DAB1: variants seen among roughly 807,000 people sequenced by gnomAD.
The protein encoded by DAB1 is DAB adaptor protein 1.
DAB1 carries 15 observed loss-of-function variants against 64.6 expected under a neutral mutation model. The ratio of observed to expected loss-of-function variants is 0.23; its 90% CI spans 0.16 to 0.36. DAB1 has a LOEUF of 0.36. Ranked by LOEUF, DAB1 falls within the 10% of genes least tolerant of loss-of-function variation. The pLI is 1.00. For missense variants in DAB1, 596 were observed against 706.7 expected (o/e 0.84, Z 1.78); for synonymous variants, 235 against 251.9 (o/e 0.93, Z 0.64).
At chr1:57,480,918 T>A (rs929088563) in intron 7 of DAB1, among the ~76,000 whole-genome samples, 3 of 152,200 alleles carry the variant, frequency 2.0e-5, no homozygotes, top group African/African-American at 4.8e-5. Context: ...TCACTGCCTT[T>A]CTTTTTCTTC....
intron 5 of DAB1, among the ~76,000 whole-genome samples, chr1:58,011,242 T>C (rs1646663901): frequency 6.6e-6 from 1 of 152,228 alleles, no homozygotes; most frequent in African/African-American, 2.4e-5. Context: ...TACCGGTTTA[T>C]ACTAATCCCC....
intron 5 of DAB1, among the ~76,000 whole-genome samples, chr1:58,051,131 G>A (rs1647629081): frequency 6.6e-6 from 1 of 152,070 alleles, no homozygotes; most frequent in Admixed American, 6.5e-5. Flanking sequence ...TATGTGCCAT[G>A]TTGGTTTGCT....
chr1:57,046,446 T>C (rs1648507363), intron 9 of DAB1, among the ~76,000 whole-genome samples: 1 of 152,246 alleles, frequency 6.6e-6, no homozygotes, highest in African/African-American at 2.4e-5. Context: ...CACTAGACTT[T>C]GTTCATTATT....
chr1:57,360,751 T>C (rs1236022542), intron 1 of DAB1, among the ~76,000 whole-genome samples: 2 of 152,286 alleles, frequency 1.3e-5, no homozygotes, highest in Non-Finnish European at 2.9e-5. Flanking sequence ...ACAGAACACA[T>C]GTAAGTCATG....
chr1:58,119,478 A>G (rs1386484691), intron 5 of DAB1, among the ~76,000 whole-genome samples: 1 of 152,168 alleles, frequency 6.6e-6, no homozygotes, highest in African/African-American at 2.4e-5. Flanking sequence ...TCTTTCTCAG[A>G]GCTGAATCAT....
At chr1:58,545,269 G>A (rs1286543942) in intron 1 of DAB1, among the ~76,000 whole-genome samples, 2 of 152,136 alleles carry the variant, frequency 1.3e-5, no homozygotes, top group Admixed American at 1.3e-4. Context: ...CTCATGACTT[G>A]TGTAAAAATT....
At chr1:57,742,606 T>C (rs1261939632) in intron 6 of DAB1, among the ~76,000 whole-genome samples, 6 of 152,284 alleles carry the variant, frequency 3.9e-5, no homozygotes, top group Admixed American at 2.6e-4. Flanking sequence ...GGGAAATTTC[T>C]GGGCTCTCCA....
rs892388270 is a variant in DAB1, at chr1:57,816,629, A to G, written n.551+67370T>C. 7.9e-5 allele frequency among the ~76,000 whole-genome samples: 12 copies of G among 152,332 alleles called. 2 individuals carry two copies. In the East Asian group the frequency reaches 1.5e-3, roughly 20 times the overall value. ...AAGTGTTCATCAGCCAGTGTGGATT[A>G]GGAGGACATTTAATGGAGAATTCAT... On this transcript the variant is annotated intron_variant and non_coding_transcript_variant, in intron 6 of 20. Transcript: ENST00000485760.
At chr1:58,533,384 T>C (rs948337010) in intron 1 of DAB1, among the ~76,000 whole-genome samples, 3 of 152,170 alleles carry the variant, frequency 2.0e-5, no homozygotes, top group Admixed American at 1.3e-4. Flanking sequence ...TTATATAAAA[T>C]AGTAATAATA....
At chr1:58,380,417 T>C (rs1356610923) in intron 3 of DAB1, among the ~76,000 whole-genome samples, 1 of 152,220 alleles carries the variant, frequency 6.6e-6, no homozygotes, top group Non-Finnish European at 1.5e-5. Context: ...GAACTGTGAG[T>C]CAATTAAACC....
chr1:57,976,869 T>A (rs1386023658), intron 5 of DAB1, among the ~76,000 whole-genome samples: 5 of 152,190 alleles, frequency 3.3e-5, no homozygotes, highest in Non-Finnish European at 7.3e-5. Context: ...CTGTCATTAT[T>A]CTTGGGTTCA....
At chr1:57,007,679 T>A (rs912812568) in intron 14 of DAB1, among the ~76,000 whole-genome samples, 6 of 152,190 alleles carry the variant, frequency 3.9e-5, no homozygotes, top group Non-Finnish European at 5.9e-5. Flanking sequence ...CCCTACTTAC[T>A]CAGAACTGTG....
At chr1:58,488,412 T>C (rs1401646274) in intron 3 of DAB1, among the ~76,000 whole-genome samples, 1 of 152,204 alleles carries the variant, frequency 6.6e-6, no homozygotes, top group Non-Finnish European at 1.5e-5. Context: ...TCTGAGATTC[T>C]GGTACACCCA....
chr1:57,971,730 T>A (rs1319031410), intron 5 of DAB1, among the ~76,000 whole-genome samples: 1 of 152,244 alleles, frequency 6.6e-6, no homozygotes, highest in Non-Finnish European at 1.5e-5. Flanking sequence ...GTCTTCAAGA[T>A]ATTTGTAAAG....
chr1:58,407,211 T>A (rs1644624690), intron 3 of DAB1, among the ~76,000 whole-genome samples: 1 of 152,142 alleles, frequency 6.6e-6, no homozygotes, highest in African/African-American at 2.4e-5. Flanking sequence ...TCCGTCTTTG[T>A]CAGATTTCTG....
intron 7 of DAB1, among the ~76,000 whole-genome samples, chr1:57,493,453 G>C (rs1257623331): frequency 1.3e-5 from 2 of 152,118 alleles, no homozygotes; most frequent in Admixed American, 6.5e-5. Flanking sequence ...CCATGCTGTA[G>C]CATGTATCAG....
chr1:58,228,965 C>T (rs1176058254), intron 4 of DAB1: 2 of 454,542 alleles, frequency 4.4e-6, no homozygotes, highest in Non-Finnish European at 8.6e-6. Flanking sequence ...TGTCCTGTCA[C>T]AGCACATGCT....
intron 2 of DAB1, among the ~76,000 whole-genome samples, chr1:57,225,894 T>C (rs563449388): frequency 6.6e-6 from 1 of 152,134 alleles, no homozygotes; most frequent in Non-Finnish European, 1.5e-5. Context: ...TTAATAATAA[T>C]GTAAAAAAAT....
intron 2 of DAB1, among the ~76,000 whole-genome samples, chr1:57,165,863 T>C (rs78079412): frequency 1.7e-3 from 253 of 152,324 alleles, no homozygotes; most frequent in Non-Finnish European, 3.2e-3. Flanking sequence ...CCCAGTCTAC[T>C]GGAAGAAACA....
Sources: gnomAD v4.1 joint callset for allele counts (sites outside exome capture counted in the v4.1 genomes callset) on GRCh38, gnomAD v4.1.1 for gene constraint, MANE v1.5 for transcripts, NCBI Gene and HGNC (gene_info 2026-07-23, HGNC 2026-07-21) for gene names.